DDR1: variants seen among roughly 807,000 people sequenced by gnomAD.
DDR1 encodes discoidin domain receptor tyrosine kinase 1.
In DDR1, 64 loss-of-function variants were observed where a neutral mutation model predicts 97.4. The ratio of observed to expected loss-of-function variants is 0.66; its 90% CI spans 0.54 to 0.81. The LOEUF is 0.81. DDR1 is among the 30% of genes least tolerant of loss of function. The pLI is 0.00. For synonymous variants in DDR1, 458 were observed against 503.7 expected, an observed-to-expected ratio of 0.91 and a Z score of 1.21; for missense variants, 990 against 1,259.6, an observed-to-expected ratio of 0.79 and a Z score of 3.24.
At chr6:30,892,969 C>A in intron 8 of DDR1, 99 bp from the exon 9 acceptor site, 1 of 1,058,900 alleles carries the variant, frequency 9.4e-7, no homozygotes, top group Non-Finnish European at 1.4e-6. Context: ...TGAGAATCAC[C>A]CATGCTTCTG....
At position 30,897,358 on chromosome 6, in the gene DDR1, C is replaced by A. The variant is rs1791285037; in HGVS notation, c.1998-21C>A. 3 of 1,613,260 alleles carry A rather than the reference C, an allele frequency of 1.9e-6. No individual in the cohort carries two copies. The highest frequency in any genetic ancestry group is 2.5e-6 in the Non-Finnish European group (3 of 1,179,664). ...AGGCCGCCCACTCGGCATTCCTCTTCAGCTTCTCCTTGTTCTCCAGGAATG... is the reference window on the plus strand; with the variant it reads ...AGGCCGCCCACTCGGCATTCCTCTTAAGCTTCTCCTTGTTCTCCAGGAATG... On this transcript the variant is annotated intron_variant, in intron 14 of 17. Transcript: ENST00000376568. The surrounding 1 kb of genome is among the most constrained non-coding windows in gnomAD (Gnocchi z 5.2).
In DDR1 at chr6:30,892,447, C is replaced by T. The variant is rs2150358046; in HGVS notation, c.1004C>T (p.Ser335Leu). Reference sequence around the variant, plus strand: ...GGGGACCCCAGAGCCCGGGCTGTCTCAGTGCCCCTTGGCGGCCGTGTGGCT... The same window carrying T: ...GGGGACCCCAGAGCCCGGGCTGTCTTAGTGCCCCTTGGCGGCCGTGTGGCT... ...NLGDPRARAVSVPLGGRVARF... is the reference protein window; with the variant it reads ...NLGDPRARAVLVPLGGRVARF... Residue 335 changes from serine (S) to leucine (L), a missense_variant, in exon 8 of 18, where the codon TCA (serine) becomes TTA (leucine). Ser to Leu is a moderately radical substitution (Grantham distance 145, BLOSUM62 -2). Transcript: ENST00000376568. 1.2e-6 allele frequency: 2 copies of T among 1,608,920 alleles called. No homozygotes were observed. The highest frequency in any genetic ancestry group is 1.7e-6 in the Non-Finnish European group (2 of 1,179,588).
intron 1 of DDR1, among the ~76,000 whole-genome samples, chr6:30,887,731 A>C (rs1786407288): frequency 6.6e-6 from 1 of 152,174 alleles, no homozygotes; most frequent in Admixed American, 6.5e-5. Context: ...AAGGTACCAT[A>C]ATAAACATCT....
At position 30,897,690 on chromosome 6, in the gene DDR1, G is replaced by T; in HGVS notation, c.2216+93G>T. On this transcript the variant is annotated intron_variant, in intron 15 of 17. Transcript: ENST00000376568. The surrounding 1 kb of genome is among the most constrained non-coding windows in gnomAD (Gnocchi z 5.2). Reference sequence around the variant, plus strand: ...TCAGCCTGGAGGAAAAGAGGGGAGCGTGGGGGTGGGAAGGGAGAGAGGTTC... The same window carrying T: ...TCAGCCTGGAGGAAAAGAGGGGAGCTTGGGGGTGGGAAGGGAGAGAGGTTC... The T allele has an allele frequency of 1.9e-6, 2 of 1,066,290 alleles. No homozygotes were observed. Among genetic ancestry groups the T allele is most frequent in the Admixed American group, 4.5e-5 (2 of 44,122 alleles). 66.1% of individuals were successfully genotyped at this position (1,066,290 alleles called of 1,614,324 possible).
rs775463181 is a variant in DDR1, at chr6:30,894,620, C to T, written c.1462C>T (p.Arg488Trp). 1.1e-4 allele frequency: 181 copies of T among 1,612,488 alleles called. 5 individuals are homozygous for T. The Admixed American group carries it at 2.6e-3, about 23-fold the overall frequency. ...AGAGCCACCCCCGTACCAGGAGCCC[C>T]GGCCTCGTGGGAATCCGCCCCACTC... ...PREPPPYQEP[R>W]PRGNPPHSAP... is the part of the protein sequence containing the mutation. Residue 488 changes from arginine (R) to tryptophan (W), a missense_variant, in exon 11 of 18, where the codon CGG (arginine) becomes TGG (tryptophan). Arg to Trp is a moderately radical substitution (Grantham distance 101). Transcript: ENST00000376568. This position sits in a 1 kb window ranked among gnomAD's most constrained non-coding sequence, Gnocchi z 5.7.
Position 30,892,367 on chromosome 6 carries a change from C to T in DDR1, c.924C>T (p.Gly308=), listed in dbSNP as rs2150355274. 1.9e-6 allele frequency: 3 copies of T among 1,586,126 alleles called. No homozygotes were observed. Among genetic ancestry groups the T allele is most frequent in the Non-Finnish European group, 2.6e-6 (3 of 1,167,506 alleles). The change falls in exon 8 of 18, where the codon GGC becomes GGT. Residue 308 remains glycine (G), a synonymous_variant. Coordinates refer to ENST00000376568, the MANE Select transcript of DDR1 (RefSeq NM_001297654.2). ...PGGVECRFRR[G]PAMAWEGEPM... Reference sequence around the variant, plus strand: ...GGGTGGAATGTCGCTTCCGGCGTGGCCCTGCCATGGCCTGGGAGGGGGAGC... The same window carrying T: ...GGGTGGAATGTCGCTTCCGGCGTGGTCCTGCCATGGCCTGGGAGGGGGAGC...
At position 30,889,151 on chromosome 6, in the gene DDR1, A is replaced by G; in HGVS notation, c.189-51A>G. The G allele has an allele frequency of 6.3e-7, 1 of 1,599,396 alleles. No homozygotes were observed. Among genetic ancestry groups the G allele is most frequent in the African/African-American group, 1.3e-5 (1 of 74,774 alleles). ...ATGAAGTGGGGTTTAAATACTGGAG[A>G]TGGAGGCAGACCTGGGGCCAGATGT... On this transcript the variant is annotated intron_variant, in intron 3 of 17. Coordinates refer to ENST00000376568, the MANE Select transcript of DDR1 (RefSeq NM_001297654.2). This position sits in a 1 kb window ranked among gnomAD's most constrained non-coding sequence, Gnocchi z 4.9.
rs1332614687 is a variant in DDR1, at chr6:30,896,730, G to T, written c.1734G>T (p.Gln578His). 1 of 1,598,708 alleles carries T rather than the reference G, an allele frequency of 6.3e-7. No homozygotes were observed. Among genetic ancestry groups the T allele is most frequent in the African/African-American group, 1.3e-5 (1 of 74,638 alleles). The change falls in exon 13 of 18, where the codon CAG (glutamine) becomes CAT (histidine). Residue 578 changes from glutamine (Q) to histidine (H), a missense_variant. Coordinates refer to ENST00000376568, the MANE Select transcript of DDR1 (RefSeq NM_001297654.2). ...HYAEADIVTL[Q>H]GVTGGNTYAV... ...CCGAGGCTGACATTGTTACCCTGCA[G>T]GGCGTCACCGGGGGCAACACCTATG...
At chr6:30,893,249 G>A (rs376389183) in intron 9 of DDR1, 23 bp from the exon 10 acceptor site, 4 of 1,601,308 alleles carry the variant, frequency 2.5e-6, no homozygotes, top group African/African-American at 2.7e-5. Context: ...CTCCTGTGGT[G>A]CTGACCCTGC....
Position 30,897,190 on chromosome 6 carries a change from A to C in DDR1, c.1997+49A>C. On this transcript the variant is annotated intron_variant, in intron 14 of 17. Transcript: ENST00000376568. The surrounding 1 kb of genome is among the most constrained non-coding windows in gnomAD (Gnocchi z 5.2). Reference sequence around the variant, plus strand: ...GAAGAAGGGAGGGGAGGCCGTGAAGAGTGGGGAGCCATCTAGAGAGAACAA... The same window carrying C: ...GAAGAAGGGAGGGGAGGCCGTGAAGCGTGGGGAGCCATCTAGAGAGAACAA... 6.2e-7 allele frequency: 1 copy of C among 1,604,432 alleles called. No homozygotes were observed.
At chr6:30,885,801 C>T (rs1326309715) in intron 1 of DDR1, 2 of 1,290,140 alleles carry the variant, frequency 1.6e-6, no homozygotes, top group African/African-American at 3.0e-5. Flanking sequence ...TCGCTGTTTA[C>T]AGCCAGTTCA....
At chr6:30,892,936 C>G in intron 8 of DDR1, 132 bp from the exon 9 acceptor site, 8 of 788,390 alleles carry the variant, frequency 1.0e-5, no homozygotes, top group Non-Finnish European at 1.6e-5. Context: ...TCCCCCAGCC[C>G]CCACTGGTCA....
chr6:30,890,614 A>C lies in DDR1; in HGVS notation c.418-359A>C. On this transcript the variant is annotated intron_variant, in intron 4 of 17. Transcript: ENST00000376568. The surrounding 1 kb of genome is among the most constrained non-coding windows in gnomAD (Gnocchi z 5.0). ...AACTTCTGCTGAATGAACAGAGGGA[A>C]TGGGCTGAAATGAAGGGGAAGCTGA... is the stretch of plus-strand genomic sequence containing the variant. 12 of 221,806 alleles carry C rather than the reference A, an allele frequency of 5.4e-5. No homozygotes were observed. The highest frequency in any genetic ancestry group is 1.9e-4 in the East Asian group (2 of 10,474). 13.7% of individuals were successfully genotyped at this position (221,806 alleles called of 1,614,324 possible). A position where few individuals can be genotyped will look rare whatever the true frequency, so the allele number is the denominator to read the frequency against.
chr6:30,891,277 G>A lies in DDR1; in HGVS notation c.566-103G>A. Reference sequence around the variant, plus strand: ...TTGTCTCCTCCATGCCAATGAGCCAGTGGAGAGATACAAGAAGGGACCTGA... The same window carrying A: ...TTGTCTCCTCCATGCCAATGAGCCAATGGAGAGATACAAGAAGGGACCTGA... On this transcript the variant is annotated intron_variant, in intron 5 of 17. Coordinates refer to ENST00000376568, the MANE Select transcript of DDR1 (RefSeq NM_001297654.2). This position sits in a 1 kb window ranked among gnomAD's most constrained non-coding sequence, Gnocchi z 5.3. The A allele has an allele frequency of 7.1e-7, 1 of 1,404,478 alleles. No homozygotes were observed. The highest frequency in any genetic ancestry group is 1.3e-5 in the South Asian group (1 of 79,726). 87.0% of individuals were successfully genotyped at this position (1,404,478 alleles called of 1,614,324 possible). A position where few individuals can be genotyped will look rare whatever the true frequency, so the allele number is the denominator to read the frequency against.
rs1431744741 is a variant in DDR1, at chr6:30,897,794, A to G, written c.2216+197A>G. 6.6e-6 allele frequency among the ~76,000 whole-genome samples: 1 copy of G among 152,166 alleles called. No homozygotes were observed. The highest frequency in any genetic ancestry group is 1.9e-4 in the East Asian group (1 of 5,190). ...GAAAGGCTGGAGGTGACTATGCAAGAGTGGTGAAGGGACTTGGGCCCTGCC... is the reference window on the plus strand; with the variant it reads ...GAAAGGCTGGAGGTGACTATGCAAGGGTGGTGAAGGGACTTGGGCCCTGCC... On this transcript the variant is annotated intron_variant, in intron 15 of 17. Coordinates refer to ENST00000376568, the MANE Select transcript of DDR1 (RefSeq NM_001297654.2). This position sits in a 1 kb window ranked among gnomAD's most constrained non-coding sequence, Gnocchi z 5.2.
rs1183383028 is a variant in DDR1, at chr6:30,890,419, GGT to G, written c.418-551_418-550del. On this transcript the variant is annotated intron_variant, in intron 4 of 17. Transcript: ENST00000376568. The surrounding 1 kb of genome is among the most constrained non-coding windows in gnomAD (Gnocchi z 5.0). Reference sequence around the variant, plus strand: ...CCTCACTCCATTCAGTTCTCTGCCAGGTGTCACCTCCTTAGAGAGCCTTTTCT... The same window carrying G: ...CCTCACTCCATTCAGTTCTCTGCCAGGTCACCTCCTTAGAGAGCCTTTTCT... The G allele has an allele frequency of 6.6e-6, 1 of 152,558 alleles. No individual in the cohort carries two copies. The highest frequency in any genetic ancestry group is 1.5e-5 in the Non-Finnish European group (1 of 68,370). 9.5% of individuals were successfully genotyped at this position (152,558 alleles called of 1,614,324 possible). A position where few individuals can be genotyped will look rare whatever the true frequency, so the allele number is the denominator to read the frequency against.
rs1791467003 is a variant in DDR1, at chr6:30,897,758, G to C, written c.2216+161G>C. Reference sequence around the variant, plus strand: ...AGGAATGTGTGACAAGTTAACCCAGGAACATGGACAGAAAGGCTGGAGGTG... The same window carrying C: ...AGGAATGTGTGACAAGTTAACCCAGCAACATGGACAGAAAGGCTGGAGGTG... On this transcript the variant is annotated intron_variant, in intron 15 of 17. Coordinates refer to ENST00000376568, the MANE Select transcript of DDR1 (RefSeq NM_001297654.2). The surrounding 1 kb of genome is among the most constrained non-coding windows in gnomAD (Gnocchi z 5.2). Among the ~76,000 whole-genome samples the C allele has an allele frequency of 6.6e-6, 1 of 152,212 alleles. No individual in the cohort carries two copies. Among genetic ancestry groups the C allele is most frequent in the Non-Finnish European group, 1.5e-5 (1 of 68,034 alleles).
Position 30,889,702 on chromosome 6 carries a change from C to T in DDR1, c.417+272C>T, listed in dbSNP as rs1787305441. 6.6e-6 allele frequency among the ~76,000 whole-genome samples: 1 copy of T among 151,838 alleles called. No individual in the cohort carries two copies. The highest frequency in any genetic ancestry group is 2.4e-5 in the African/African-American group (1 of 41,286). ...TCAGTGATCCTCCCACCTTAGCCTC[C>T]CAAAGTGCTGGGATTACAAGCACTG... On this transcript the variant is annotated intron_variant, in intron 4 of 17. Transcript: ENST00000376568. This position sits in a 1 kb window ranked among gnomAD's most constrained non-coding sequence, Gnocchi z 4.9.
chr6:30,891,205 C>T lies in DDR1; in HGVS notation c.565+85C>T, dbSNP rs1788038100. The T allele has an allele frequency of 6.4e-7, 1 of 1,563,020 alleles. No homozygotes were observed. Among genetic ancestry groups the T allele is most frequent in the South Asian group, 1.2e-5 (1 of 86,744 alleles). On this transcript the variant is annotated intron_variant, in intron 5 of 17. Coordinates refer to ENST00000376568, the MANE Select transcript of DDR1 (RefSeq NM_001297654.2). This position sits in a 1 kb window ranked among gnomAD's most constrained non-coding sequence, Gnocchi z 5.3. ...TGTGGAGAATGGGCATCCAGGATCC[C>T]TTCTCCTGCTGGGAAGCTGTCACTC...
Sources: allele counts gnomAD v4.1 joint callset (sites outside exome capture counted in the v4.1 genomes callset), GRCh38; gene constraint gnomAD v4.1.1; non-coding constraint Gnocchi (gnomAD v3.1); transcripts MANE v1.5; gene names NCBI Gene and HGNC (gene_info 2026-07-23, HGNC 2026-07-21).